Variants in SLC41A1 observed in about 807,000 individuals in gnomAD.
SLC41A1 encodes solute carrier family 41 (magnesium transporter), member 1.
In SLC41A1, 20 loss-of-function variants were observed where a neutral mutation model predicts 47.3. That is an observed-to-expected ratio of 0.42 (90% CI 0.30 to 0.61). The LOEUF is 0.61. SLC41A1 is among the 20% of genes least tolerant of loss of function. The probability of loss-of-function intolerance (pLI) is 0.17; values close to 1 mark genes in which losing one functional copy is unlikely to be tolerated. For synonymous variants in SLC41A1, 282 were observed against 272.7 expected, an observed-to-expected ratio of 1.03 and a Z score of -0.34; for missense variants, 504 against 674.1, an observed-to-expected ratio of 0.75 and a Z score of 2.79.
At chr1:205,798,080 A>G (rs1558080143) in intron 6 of SLC41A1, 29 bp from the exon 7 acceptor site, 1 of 1,614,036 alleles carries the variant, frequency 6.2e-7, no homozygotes, top group Non-Finnish European at 8.5e-7. Flanking sequence ...GAAGGAGATA[A>G]GCACTGTGTT....
chr1:205,810,020 CA>C lies in SLC41A1; in HGVS notation c.372+49del. On this transcript the variant is annotated intron_variant, in intron 2 of 10. Transcript: ENST00000367137. This position sits in a 1 kb window ranked among gnomAD's most constrained non-coding sequence, Gnocchi z 5.5. The stretch of plus-strand genomic sequence containing the variant: ...AGGAAGTTCCAAGTTTCCCAGCAGG[CA>C]AAGGTGGCCCTGGGCTCACAGTCAA... The C allele has an allele frequency of 6.2e-7, 1 of 1,612,980 alleles. No homozygotes were observed. Among genetic ancestry groups the C allele is most frequent in the Non-Finnish European group, 8.5e-7 (1 of 1,179,630 alleles).
At position 205,812,905 on chromosome 1, in the gene SLC41A1, C is replaced by T; in HGVS notation, c.-744G>A. ...GCACCCCCTCTTCTCATCACTCCTC[C>T]TCGACAGTCCTCCTTGGCCCCCGGC... On this transcript the variant is annotated 5_prime_UTR_variant, in exon 1 of 11. Coordinates refer to ENST00000367137, the MANE Select transcript of SLC41A1 (RefSeq NM_173854.6). 2 of 985,558 alleles carry T rather than the reference C, an allele frequency of 2.0e-6. No homozygotes were observed. The highest frequency in any genetic ancestry group is 2.4e-6 in the Non-Finnish European group (2 of 830,034). The allele number at this position is 985,558 out of a possible 1,614,324, so 61.1% of individuals were successfully genotyped here.
At chr1:205,795,201 G>C in intron 9 of SLC41A1, 143 bp downstream of exon 9, 2 of 1,466,918 alleles carry the variant, frequency 1.4e-6, no homozygotes, top group South Asian at 2.4e-5. Context: ...CCTCCTGCCT[G>C]GGCTCTGCCC....
chr1:205,804,524 C>T (rs823072), intron 2 of SLC41A1, among the ~76,000 whole-genome samples: 99,098 of 151,994 alleles, frequency 0.65, 36,853 homozygotes, highest in Non-Finnish European at 0.82. Flanking sequence ...CTAAGACCCC[C>T]CAGAGAGAAG....
At chr1:205,803,969 C>T (rs1032121778) in intron 2 of SLC41A1, among the ~76,000 whole-genome samples, 1 of 151,978 alleles carries the variant, frequency 6.6e-6, no homozygotes, top group Admixed American at 6.6e-5. Context: ...GGAAGCAAGG[C>T]GCTGGGGGAG....
chr1:205,804,682 A>AG, intron 2 of SLC41A1, among the ~76,000 whole-genome samples: 1 of 152,176 alleles, frequency 6.6e-6, no homozygotes, highest in Non-Finnish European at 1.5e-5. Flanking sequence ...AGCTCCAGAG[A>AG]GGGGAAAAAT....
chr1:205,802,118 A>G (rs1245621005), intron 2 of SLC41A1, among the ~76,000 whole-genome samples: 2 of 152,192 alleles, frequency 1.3e-5, no homozygotes, highest in Non-Finnish European at 1.5e-5. Flanking sequence ...AAGAATGGAA[A>G]GCCTCCAGGT....
chr1:205,793,917 A>C (rs1283912241), intron 10 of SLC41A1, among the ~76,000 whole-genome samples: 1 of 152,262 alleles, frequency 6.6e-6, no homozygotes, highest in Non-Finnish European at 1.5e-5. Context: ...ACAGAAAAGA[A>C]GACTTTTCAC....
chr1:205,797,759 C>T, intron 7 of SLC41A1, 145 bp downstream of exon 7: 1 of 1,147,100 alleles, frequency 8.7e-7, no homozygotes, highest in Non-Finnish European at 1.3e-6. Context: ...TGGTTTCTGT[C>T]ATTTTCAACA....
chr1:205,804,390 C>T (rs1168287374), intron 2 of SLC41A1, among the ~76,000 whole-genome samples: 2 of 152,090 alleles, frequency 1.3e-5, no homozygotes, highest in African/African-American at 4.8e-5. Context: ...GGAAGCCCCA[C>T]CGTAGGGACT....
At position 205,812,828 on chromosome 1, in the gene SLC41A1, AG is replaced by A. The variant is rs1270896351; in HGVS notation, c.-668del. ...CTGACCTGCCCCTCGCCTGGGAGGA[AG>A]GGGGGCGCCTGGCAAGTGGCAGCGT... On this transcript the variant is annotated 5_prime_UTR_variant, in exon 1 of 11. An upstream open reading frame in the 5' UTR gains an earlier in-frame stop. Coordinates refer to ENST00000367137, the MANE Select transcript of SLC41A1 (RefSeq NM_173854.6). The A allele has an allele frequency of 3.0e-6, 3 of 984,728 alleles. No individual in the cohort carries two copies. Among genetic ancestry groups the A allele is most frequent in the Non-Finnish European group, 3.6e-6 (3 of 829,692 alleles). The allele number at this position is 984,728 out of a possible 1,614,324, so 61.0% of individuals were successfully genotyped here.
Position 205,791,770 on chromosome 1 carries a change from G to A in SLC41A1, c.1357-52C>T, listed in dbSNP as rs1209282896. On this transcript the variant is annotated intron_variant, in intron 10 of 10. Transcript: ENST00000367137. The surrounding 1 kb of genome is among the most constrained non-coding windows in gnomAD (Gnocchi z 4.0). Reference sequence around the variant, plus strand: ...TAGCCATCCTCTCTCTCCAGGGGGAGCCAGAGGCCACATGATCAGACCCAT... The same window carrying A: ...TAGCCATCCTCTCTCTCCAGGGGGAACCAGAGGCCACATGATCAGACCCAT... 4.4e-6 allele frequency: 7 copies of A among 1,599,506 alleles called. No homozygotes were observed. Among genetic ancestry groups the A allele is most frequent in the South Asian group, 1.1e-5 (1 of 89,186 alleles).
At chr1:205,807,027 G>A (rs1338834479) in intron 2 of SLC41A1, among the ~76,000 whole-genome samples, 1 of 152,088 alleles carries the variant, frequency 6.6e-6, no homozygotes, top group Non-Finnish European at 1.5e-5. Context: ...ACACTCCATA[G>A]CCAGCTTCTC....
intron 10 of SLC41A1, 81 bp downstream of exon 10, chr1:205,794,789 A>G (rs1655704818): frequency 6.3e-7 from 1 of 1,578,178 alleles, no homozygotes; most frequent in South Asian, 1.1e-5. Flanking sequence ...TGAGTGTCTA[A>G]GAGGCCAAGT....
At position 205,795,439 on chromosome 1, in the gene SLC41A1, A is replaced by G. The variant is rs1323309767; in HGVS notation, c.1112T>C (p.Ile371Thr). Residue 371 changes from isoleucine (I) to threonine (T), a missense_variant, in exon 9 of 11, where the codon ATC (isoleucine) becomes ACC (threonine). Physicochemically the swap from Ile to Thr is moderately conservative, Grantham distance 89 (BLOSUM62 -1). Transcript: ENST00000367137. ...TCCATTCATGTGCAGGAAGGTGGAG[A>G]TGCGGCTGGCCTGCACTGCCACCAG... ...GNLVAVQASR[I>T]STFLHMNGMP... 1.2e-6 allele frequency: 2 copies of G among 1,614,168 alleles called. No individual in the cohort carries two copies. The highest frequency in any genetic ancestry group is 1.7e-6 in the Non-Finnish European group (2 of 1,180,028).
chr1:205,797,677 C>T (rs554097251), intron 7 of SLC41A1, among the ~76,000 whole-genome samples: 15 of 152,264 alleles, frequency 9.9e-5, no homozygotes, highest in South Asian at 2.1e-4. Context: ...TTAGGTATGT[C>T]GCTGAATTCA....
chr1:205,806,041 A>C (rs972726052), intron 2 of SLC41A1, among the ~76,000 whole-genome samples: 1 of 152,220 alleles, frequency 6.6e-6, no homozygotes, highest in East Asian at 1.9e-4. Context: ...CTGATCTTTT[A>C]GGGTAAGGAC....
At chr1:205,805,342 T>C (rs760524616) in intron 2 of SLC41A1, among the ~76,000 whole-genome samples, 1 of 152,168 alleles carries the variant, frequency 6.6e-6, no homozygotes, top group Non-Finnish European at 1.5e-5. Flanking sequence ...TGGAAAGAGA[T>C]GCTGGAGGCT....
chr1:205,799,024 A>G lies in SLC41A1; in HGVS notation c.630T>C (p.Ser210=), dbSNP rs1183934266. The change falls in exon 5 of 11, where the codon AGT becomes AGC. Residue 210 remains serine (S), a synonymous_variant. Transcript: ENST00000367137. The part of the protein sequence containing the change: ...VFGWIPDGHF[S]IPHAFLLCAS... ...CACAGAGCAGGAAGGCGTGCGGAAT[A>G]CTGAAGTGGCCATCAGGGATCCAGC... 6.2e-7 allele frequency: 1 copy of G among 1,613,876 alleles called. No individual in the cohort carries two copies. The highest frequency in any genetic ancestry group is 2.2e-5 in the East Asian group (1 of 44,872).
Sources: allele counts gnomAD v4.1 joint callset (sites outside exome capture counted in the v4.1 genomes callset), GRCh38; gene constraint gnomAD v4.1.1; non-coding constraint Gnocchi (gnomAD v3.1); transcripts MANE v1.5; gene names NCBI Gene and HGNC (gene_info 2026-07-23, HGNC 2026-07-21).